ZYG11A: variants seen among roughly 807,000 people sequenced by gnomAD.
ZYG11A encodes the protein zyg-11 family member A, cell cycle regulator, also known as protein zyg-11 homolog A.
ZYG11A carries 62 observed loss-of-function variants against 77.2 expected under a neutral mutation model. The ratio of observed to expected loss-of-function variants is 0.80; its 90% CI spans 0.65 to 0.99. The LOEUF is 0.99. Among genes scored for constraint, ZYG11A ranks in the 50% least tolerant of loss-of-function variants. ZYG11A has a pLI of 0.00. For synonymous variants in ZYG11A, 315 were observed against 324.6 expected (o/e 0.97, Z 0.32); for missense variants, 828 against 896.8 (o/e 0.92, Z 0.98).
intron 2 of ZYG11A, among the ~76,000 whole-genome samples, chr1:52,856,432 G>C (rs1307713998): frequency 2.1e-5 from 3 of 142,514 alleles, no homozygotes; most frequent in Non-Finnish European, 4.5e-5. Flanking sequence ...CTCCAGCCTG[G>C]GTGACAGAGC....
Position 52,857,410 on chromosome 1 carries a change from G to A in ZYG11A, c.669G>A (p.Leu223=), listed in dbSNP as rs1645834726. 1.3e-6 allele frequency: 2 copies of A among 1,551,810 alleles called. No homozygotes were observed. The highest frequency in any genetic ancestry group is 1.7e-6 in the Non-Finnish European group (2 of 1,147,050). The part of the protein sequence containing the change: ...SNTLVTDISA[L]LTCKDRLKSL... The stretch of plus-strand genomic sequence containing the variant: ...CTCTAGTCACTGATATTTCTGCACT[G>A]CTTACCTGTAAGGATCGATTGAAGT... The change falls in exon 3 of 14, where the codon CTG becomes CTA. Residue 223 remains leucine, a synonymous_variant. Transcript: ENST00000371528.
At position 52,877,802 on chromosome 1, in the gene ZYG11A, A is replaced by G. The variant is rs1241255998; in HGVS notation, c.1663A>G (p.Ile555Val). Residue 555 changes from isoleucine (I) to valine (V), a missense_variant, in exon 9 of 14, where the codon ATT becomes GTT. Physicochemically the swap from Ile to Val is conservative, Grantham distance 29. Transcript: ENST00000371528. ...DGSPAACKHF[I>V]ENQGLQIFIQ... ...GTCTCCAGCTGCCTGCAAGCACTTC[A>G]TTGAAAATCAAGGATTGCAAATCTT... 57 of 1,551,606 alleles carry G rather than the reference A, an allele frequency of 3.7e-5. No individual in the cohort carries two copies. Among genetic ancestry groups the G allele is most frequent in the Non-Finnish European group, 4.5e-5 (52 of 1,146,992 alleles).
intron 2 of ZYG11A, among the ~76,000 whole-genome samples, chr1:52,855,967 C>T (rs1046953484): frequency 6.6e-6 from 1 of 152,184 alleles, no homozygotes; most frequent in African/African-American, 2.4e-5. Context: ...TCTATGTGGA[C>T]ATAAGTTTTC....
intron 12 of ZYG11A, 32 bp downstream of exon 12, chr1:52,885,926 T>C (rs1428000216): frequency 2.7e-6 from 4 of 1,474,986 alleles, no homozygotes. Context: ...TTTCTTCTTT[T>C]TTTTTTCTTC....
chr1:52,892,406 T>G (rs139723470), intron 13 of ZYG11A, among the ~76,000 whole-genome samples: 2 of 151,256 alleles, frequency 1.3e-5, no homozygotes, highest in African/African-American at 4.8e-5. Flanking sequence ...GGCATGCCTG[T>G]AATCCCAGCT....
At chr1:52,872,999 C>T (rs1289730764) in intron 8 of ZYG11A, among the ~76,000 whole-genome samples, 1 of 151,862 alleles carries the variant, frequency 6.6e-6, no homozygotes, top group Non-Finnish European at 1.5e-5. Flanking sequence ...AACTGAAAAC[C>T]TTTTAGAAAG....
intron 1 of ZYG11A, among the ~76,000 whole-genome samples, chr1:52,847,385 A>G (rs920682771): frequency 4.6e-5 from 7 of 151,608 alleles, no homozygotes; most frequent in African/African-American, 1.7e-4. Context: ...TTTTTAGTAC[A>G]GACAGGGTTT....
chr1:52,880,555 A>G (rs1436254484), intron 10 of ZYG11A, among the ~76,000 whole-genome samples: 1 of 152,092 alleles, frequency 6.6e-6, no homozygotes, highest in Non-Finnish European at 1.5e-5. Context: ...CACTCCCATG[A>G]TTATGTTACT....
At chr1:52,846,631 G>T (rs948981229) in intron 1 of ZYG11A, among the ~76,000 whole-genome samples, 2 of 151,582 alleles carry the variant, frequency 1.3e-5, no homozygotes, top group African/African-American at 4.8e-5. Context: ...AAGCCATCGC[G>T]CCCGGCCAAT....
rs1645475928 is a variant in ZYG11A at position 52,842,907 on chromosome 1, C to A, written c.24C>A (p.Gly8=). 1 of 1,530,876 alleles carries A rather than the reference C, an allele frequency of 6.5e-7. No individual in the cohort carries two copies. The highest frequency in any genetic ancestry group is 8.8e-7 in the Non-Finnish European group (1 of 1,138,346). The allele number at this position is 1,530,876 out of a possible 1,614,324, so 94.8% of individuals were successfully genotyped here. Residue 8 remains glycine, a synonymous_variant, in exon 1 of 14, where the codon GGC becomes GGA. Transcript: ENST00000371528. ...CCATGGTTCATTTCTTGCACCCGGG[C>A]CACACGCCCCGGAACATCGTCCCTC... The part of the protein sequence containing the change: MVHFLHP[G]HTPRNIVPPD...
At chr1:52,863,726 G>T (rs1390468043) in intron 4 of ZYG11A, among the ~76,000 whole-genome samples, 1 of 152,168 alleles carries the variant, frequency 6.6e-6, no homozygotes, top group Admixed American at 6.6e-5. Context: ...TGATTCTGAA[G>T]TTAATTTCAC....
intron 8 of ZYG11A, among the ~76,000 whole-genome samples, chr1:52,869,570 T>C (rs1646101419): frequency 6.6e-6 from 1 of 151,890 alleles, no homozygotes; most frequent in South Asian, 2.1e-4. Flanking sequence ...GGTAAGGTCA[T>C]AGATCAACAG....
intron 8 of ZYG11A, among the ~76,000 whole-genome samples, chr1:52,873,579 C>T (rs72897332): frequency 0.079 from 11,954 of 152,162 alleles, 918 homozygotes; most frequent in African/African-American, 0.2. Flanking sequence ...GAATCTAGTT[C>T]TGGTGAAGAT....
intron 8 of ZYG11A, among the ~76,000 whole-genome samples, chr1:52,876,416 G>GATAC (rs1339057775): frequency 4.6e-5 from 7 of 152,252 alleles, no homozygotes; most frequent in African/African-American, 1.7e-4. Flanking sequence ...GACTAGTTGA[G>GATAC]ATACAGATAA....
Position 52,857,354 on chromosome 1 carries a change from C to G in ZYG11A, c.613C>G (p.Pro205Ala). Residue 205 changes from proline (P) to alanine (A), a missense_variant, in exon 3 of 14, where the codon CCA (proline) becomes GCA (alanine). Transcript: ENST00000371528. ...AGACCTGGCTAATGTTTCTCAGTTACCAAGACTGGAAAGCTTAGATATCTC... is the reference window on the plus strand; with the variant it reads ...AGACCTGGCTAATGTTTCTCAGTTAGCAAGACTGGAAAGCTTAGATATCTC... Reference protein sequence around the residue: ...TEDLANVSQLPRLESLDISNT... With the variant: ...TEDLANVSQLARLESLDISNT... 1 of 1,551,760 alleles carries G rather than the reference C, an allele frequency of 6.4e-7. No homozygotes were observed. The highest frequency in any genetic ancestry group is 2.4e-5 in the East Asian group (1 of 40,926).
In ZYG11A at chr1:52,878,937, C is replaced by T. The variant is rs139303260; in HGVS notation, c.1749+968C>T. 9.8e-3 allele frequency among the ~76,000 whole-genome samples: 836 copies of T among 84,922 alleles called. 14 individuals carry two copies. Among genetic ancestry groups the T allele is most frequent in the African/African-American group, 0.04 (794 of 19,670 alleles). 55.7% of individuals were successfully genotyped at this position (84,922 alleles called of 152,430 possible). A position where few individuals can be genotyped will look rare whatever the true frequency, so the allele number is the denominator to read the frequency against. On this transcript the variant is annotated intron_variant, in intron 10 of 13. Transcript: ENST00000371528. The stretch of plus-strand genomic sequence containing the variant: ...TGCACTCCAGCCTGGGCAACAAGAA[C>T]GAAACTCTGCTCAAAAAAAAAAAAA...
Position 52,894,816 on chromosome 1 carries a change from C to G in ZYG11A, c.*1859C>G, listed in dbSNP as rs1236025639. 1 of 152,302 alleles carries G rather than the reference C, an allele frequency of 6.6e-6. No homozygotes were observed. Among genetic ancestry groups the G allele is most frequent in the Non-Finnish European group, 1.5e-5 (1 of 68,050 alleles). The allele number at this position is 152,302 out of a possible 1,614,324, so 9.4% of individuals were successfully genotyped here. On this transcript the variant is annotated 3_prime_UTR_variant, in exon 14 of 14. Transcript: ENST00000371528. ...GATTCCAAAAGGATATCTTCCTGAC[C>G]TGGGTTCTAGTACCTCAGAGCATTG...
Position 52,860,779 on chromosome 1 carries a change from T to C in ZYG11A, c.1057T>C (p.Tyr353His), listed in dbSNP as rs1162342692. 6 of 1,551,694 alleles carry C rather than the reference T, an allele frequency of 3.9e-6. No homozygotes were observed. The highest frequency in any genetic ancestry group is 2.4e-5 in the South Asian group (2 of 84,060). ...TCAGATTTCAGAAGCACTGAGCCGA[T>C]ACAGGAACAGATCATGTTTTGTGAA... is the stretch of plus-strand genomic sequence containing the variant. ...MSQISEALSR[Y>H]RNRSCFVKEA... Residue 353 changes from tyrosine to histidine, a missense_variant, in exon 4 of 14, where the codon TAC (tyrosine) becomes CAC (histidine). Physicochemically the swap from Tyr to His is moderately conservative, Grantham distance 83. Transcript: ENST00000371528.
At chr1:52,864,943 G>A (rs549307639) in intron 5 of ZYG11A, among the ~76,000 whole-genome samples, 7 of 151,806 alleles carry the variant, frequency 4.6e-5, no homozygotes, top group South Asian at 4.2e-4. Flanking sequence ...GAGCCCCCGC[G>A]CCTGGCCTAC....
Sources: allele counts gnomAD v4.1 joint callset (sites outside exome capture counted in the v4.1 genomes callset), GRCh38; gene constraint gnomAD v4.1.1; transcripts MANE v1.5; gene names NCBI Gene and HGNC (gene_info 2026-07-23, HGNC 2026-07-21).